Variants in SH3RF1 observed in about 807,000 individuals in gnomAD.
SH3RF1 encodes the protein E3 ubiquitin-protein ligase SH3RF1.
SH3RF1 carries 32 observed loss-of-function variants against 74.0 expected under a neutral mutation model. That is an observed-to-expected ratio of 0.43 (90% CI 0.33 to 0.58). The LOEUF (loss-of-function observed/expected upper bound fraction) is 0.58. Among genes scored for constraint, SH3RF1 ranks in the 20% least tolerant of loss-of-function variants. SH3RF1 has a pLI of 0.05. For missense variants in SH3RF1, 954 were observed against 1,130.9 expected (o/e 0.84, Z 2.24); for synonymous variants, 396 against 439.6 (o/e 0.90, Z 1.24).
intron 2 of SH3RF1, among the ~76,000 whole-genome samples, chr4:169,201,089 G>A (rs1459110447): frequency 1.3e-5 from 2 of 151,956 alleles, no homozygotes; most frequent in Non-Finnish European, 2.9e-5. Context: ...CTGATTACTG[G>A]CAATTTGAAA....
intron 2 of SH3RF1, among the ~76,000 whole-genome samples, chr4:169,238,669 G>A (rs998789717): frequency 2.0e-5 from 3 of 152,194 alleles, no homozygotes; most frequent in African/African-American, 7.2e-5. Context: ...CCAGCCAACT[G>A]TCAAGGTTTG....
At chr4:169,193,099 A>G (rs1017698356) in intron 2 of SH3RF1, among the ~76,000 whole-genome samples, 4 of 152,064 alleles carry the variant, frequency 2.6e-5, no homozygotes, top group Non-Finnish European at 5.9e-5. Context: ...ATTCAAAGGC[A>G]TAAGAATGAC....
chr4:169,148,228 G>A (rs1475638661), intron 4 of SH3RF1, among the ~76,000 whole-genome samples: 1 of 152,210 alleles, frequency 6.6e-6, no homozygotes, highest in African/African-American at 2.4e-5. Flanking sequence ...TGAGACTAGG[G>A]CAGGGCAGAA....
At chr4:169,231,106 T>A (rs1730731844) in intron 2 of SH3RF1, among the ~76,000 whole-genome samples, 2 of 152,180 alleles carry the variant, frequency 1.3e-5, no homozygotes, top group African/African-American at 4.8e-5. Flanking sequence ...TCGTAATACT[T>A]ACCTCATGGG....
intron 8 of SH3RF1, 73 bp downstream of exon 8, chr4:169,120,746 T>A: frequency 6.6e-7 from 1 of 1,510,370 alleles, no homozygotes; most frequent in Non-Finnish European, 9.0e-7. Context: ...GGAATCTGGA[T>A]AGGCTGAAAA....
intron 2 of SH3RF1, among the ~76,000 whole-genome samples, chr4:169,262,626 C>T (rs557003301): frequency 2.6e-4 from 39 of 152,264 alleles, no homozygotes; most frequent in African/African-American, 9.1e-4. Context: ...GAGATCTCAC[C>T]ATCGCCCTCC....
Position 169,122,090 on chromosome 4 carries a change from G to A in SH3RF1, c.1346+10C>T, listed in dbSNP as rs769086281. ...ACACATAAGCAGTAACAGACGACAC[G>A]CTCACTTACACACTGGGGCGAGTCT... On this transcript the variant is annotated intron_variant, in intron 7 of 11. Coordinates refer to ENST00000284637, the MANE Select transcript of SH3RF1 (RefSeq NM_020870.4). 9.3e-6 allele frequency: 15 copies of A among 1,610,374 alleles called. No homozygotes were observed. The African/African-American group carries it at 9.4e-5, about 10-fold the overall frequency.
At chr4:169,175,958 C>T (rs925835385) in intron 2 of SH3RF1, among the ~76,000 whole-genome samples, 1 of 152,064 alleles carries the variant, frequency 6.6e-6, no homozygotes, top group Non-Finnish European at 1.5e-5. Context: ...GGTGGAGGTC[C>T]CATGATGGGA....
chr4:169,178,000 G>T (rs191559863), intron 2 of SH3RF1, among the ~76,000 whole-genome samples: 1 of 152,124 alleles, frequency 6.6e-6, no homozygotes, highest in East Asian at 1.9e-4. Flanking sequence ...CATGCCTTTG[G>T]AAGTCTGAGG....
rs150120873 is a variant in SH3RF1, at chr4:169,099,907, T to C, written c.2499-3220A>G. ...AAACTGTGACACAGTCTTGATCGTA[T>C]GAAGACTACCAGGTGCAGGAGTAAT... is the stretch of plus-strand genomic sequence containing the variant. On this transcript the variant is annotated intron_variant, in intron 11 of 11. Coordinates refer to ENST00000284637, the MANE Select transcript of SH3RF1 (RefSeq NM_020870.4). Among the ~76,000 whole-genome samples the C allele has an allele frequency of 1.0e-3, 158 of 152,290 alleles. No homozygotes were observed. The East Asian group carries it at 0.019, about 18-fold the overall frequency.
rs145737185 is a variant in SH3RF1 at position 169,163,906 on chromosome 4, G to T, written c.394-7227C>A. Among the ~76,000 whole-genome samples the T allele has an allele frequency of 1.4e-3, 210 of 152,222 alleles. 2 individuals are homozygous for T. In the South Asian group the frequency reaches 0.026, roughly 19 times the overall value. The stretch of plus-strand genomic sequence containing the variant: ...TCTGTCTAGGATGACTGCTTTTGTT[G>T]TTTGGAATCAGGTGTAAATAAGGCC... On this transcript the variant is annotated intron_variant, in intron 2 of 11. Coordinates refer to ENST00000284637, the MANE Select transcript of SH3RF1 (RefSeq NM_020870.4).
chr4:169,107,269 A>G (rs1451337422), intron 10 of SH3RF1, 64 bp from the exon 11 acceptor site: 1 of 1,398,478 alleles, frequency 7.2e-7, no homozygotes, highest in African/African-American at 1.4e-5. Context: ...TGTAATCTAA[A>G]GGGCCCTATA....
chr4:169,145,833 A>T (rs1561036059), intron 4 of SH3RF1, among the ~76,000 whole-genome samples: 1 of 98,034 alleles, frequency 1.0e-5, no homozygotes, highest in Non-Finnish European at 2.2e-5. Flanking sequence ...TCTATATAAA[A>T]TATGTATTCT....
At chr4:169,265,621 G>A (rs547696448) in intron 2 of SH3RF1, among the ~76,000 whole-genome samples, 1 of 152,024 alleles carries the variant, frequency 6.6e-6, no homozygotes, top group East Asian at 1.9e-4. Context: ...TTATAGGCAC[G>A]TGCCACCACA....
At chr4:169,126,010 T>C (rs1168376601) in intron 6 of SH3RF1, among the ~76,000 whole-genome samples, 1 of 152,256 alleles carries the variant, frequency 6.6e-6, no homozygotes, top group Non-Finnish European at 1.5e-5. Flanking sequence ...CCATAAGGTC[T>C]CTATGTTTCA....
chr4:169,197,215 C>T (rs193047647), intron 2 of SH3RF1, among the ~76,000 whole-genome samples: 25 of 151,998 alleles, frequency 1.6e-4, no homozygotes, highest in Admixed American at 4.6e-4. Flanking sequence ...TTGGCTAGTC[C>T]GCTCTTGAGC....
At chr4:169,221,511 C>T (rs1320214300) in intron 2 of SH3RF1, among the ~76,000 whole-genome samples, 1 of 152,108 alleles carries the variant, frequency 6.6e-6, no homozygotes, top group Non-Finnish European at 1.5e-5. Context: ...ATCAGTTACA[C>T]CAACAACTCA....
At chr4:169,122,633 C>T (rs1733460430) in intron 6 of SH3RF1, among the ~76,000 whole-genome samples, 1 of 152,154 alleles carries the variant, frequency 6.6e-6, no homozygotes, top group Non-Finnish European at 1.5e-5. Context: ...CCATGTCATG[C>T]TGCTTGCTAG....
intron 2 of SH3RF1, among the ~76,000 whole-genome samples, chr4:169,262,011 CTA>C (rs1731286960): frequency 6.6e-6 from 1 of 151,870 alleles, no homozygotes; most frequent in Non-Finnish European, 1.5e-5. Context: ...AGTAAAAATA[CTA>C]TGAGAAAAAT....
Sources: allele counts gnomAD v4.1 joint callset (sites outside exome capture counted in the v4.1 genomes callset), GRCh38; gene constraint gnomAD v4.1.1; transcripts MANE v1.5; gene names NCBI Gene and HGNC (gene_info 2026-07-23, HGNC 2026-07-21).